The following PXDN variants were observed in gnomAD, a reference collection of about 807,000 sequenced individuals.
The protein encoded by PXDN is peroxidasin, also known as peroxidasin homolog.
Under a neutral mutation model 140.3 loss-of-function variants are expected in PXDN, and 77 were observed. The observed-to-expected ratio is 0.55, with a 90% CI of 0.46 to 0.66. The LOEUF is 0.66. Ranked by LOEUF, PXDN falls within the 30% of genes least tolerant of loss-of-function variation. PXDN has a pLI of 0.00. For missense variants in PXDN, 1,838 were observed against 2,039.5 expected, an observed-to-expected ratio of 0.90 and a Z score of 1.90; for synonymous variants, 911 against 857.4, an observed-to-expected ratio of 1.06 and a Z score of -1.09.
rs745830664 is a variant in PXDN, at chr2:1,744,342, G to T, written c.114C>A (p.Ser38Arg). ...VAQKPGAGCP[S>R]RCLCFRTTVR... ...CGGTGGTGCGGAAGCACAGGCAGCG[G>T]CTCGGACACCCTGCGCCCGGCTTCT... The change falls in exon 1 of 23, where the codon AGC (serine) becomes AGA (arginine). Residue 38 changes from serine to arginine, a missense_variant. Ser to Arg is a moderately radical substitution (Grantham distance 110). Around this residue, in one of 5 missense-constraint regions of PXDN, gnomAD observed 231 missense variants for 201.5 expected, o/e 1.15. Coordinates refer to ENST00000252804, the MANE Select transcript of PXDN (RefSeq NM_012293.3). 1.0e-5 allele frequency: 16 copies of T among 1,527,738 alleles called. No homozygotes were observed. In the South Asian group the frequency reaches 1.9e-4, roughly 18 times the overall value. The allele number at this position is 1,527,738 out of a possible 1,614,324, so 94.6% of individuals were successfully genotyped here.
Position 1,664,949 on chromosome 2 carries a change from G to A in PXDN, c.1408+9C>T. 6.3e-7 allele frequency: 1 copy of A among 1,586,802 alleles called. No homozygotes were observed. The highest frequency in any genetic ancestry group is 2.2e-5 in the East Asian group (1 of 44,474). On this transcript the variant is annotated intron_variant, in intron 11 of 22. Coordinates refer to ENST00000252804, the MANE Select transcript of PXDN (RefSeq NM_012293.3). ...GAGGGAGCAGGCAAAGGGCCGGCCT[G>A]GGTCTTACCTCCCTTGGTCCAGGCG...
At chr2:1,705,619 T>C (rs1158311180) in intron 1 of PXDN, among the ~76,000 whole-genome samples, 2 of 142,352 alleles carry the variant, frequency 1.4e-5, no homozygotes, top group Non-Finnish European at 3.0e-5. Context: ...CCCCACGACC[T>C]GGGACGCAGG....
rs774915815 is a variant in PXDN, at chr2:1,634,266, C to T, written c.4378G>A (p.Val1460Met). 1.6e-5 allele frequency: 25 copies of T among 1,607,852 alleles called. No homozygotes were observed. Among genetic ancestry groups the T allele is most frequent in the East Asian group, 6.7e-5 (3 of 44,704 alleles). Residue 1460 changes from valine (V) to methionine (M), a missense_variant, in exon 23 of 23, where the codon GTG (valine) becomes ATG (methionine). Physicochemically the swap from Val to Met is conservative, Grantham distance 21 (BLOSUM62 1). This residue lies in a region of PXDN where 850 missense variants were observed against 894.1 expected (regional missense o/e 0.95). Transcript: ENST00000252804. ...ACPPATCAVP[V>M]NIPGACCPVC... is the part of the protein sequence containing the mutation. ...GGACAGCAGGCCCCTGGGATGTTCACGGGGACAGCACAGGTGGCAGGGGGG... is the reference window on the plus strand; with the variant it reads ...GGACAGCAGGCCCCTGGGATGTTCATGGGGACAGCACAGGTGGCAGGGGGG...
At chr2:1,641,135 C>T (rs1054088809) in intron 19 of PXDN, among the ~76,000 whole-genome samples, 3 of 152,206 alleles carry the variant, frequency 2.0e-5, no homozygotes, top group African/African-American at 2.4e-5. Flanking sequence ...CAAGGACGTT[C>T]GCTTTAAATG....
intron 1 of PXDN, among the ~76,000 whole-genome samples, chr2:1,720,724 T>TCA (rs1221326586): frequency 0.088 from 2,482 of 28,098 alleles, 155 homozygotes; most frequent in East Asian, 0.49. Flanking sequence ...TCTCTCTCTC[T>TCA]CACACACACA....
chr2:1,659,229 TG>T lies in PXDN; in HGVS notation c.1837+1651del, dbSNP rs1683247505. Among the ~76,000 whole-genome samples the T allele has an allele frequency of 2.0e-5, 3 of 152,362 alleles. No homozygotes were observed. The South Asian group carries it at 6.2e-4, about 32-fold the overall frequency. On this transcript the variant is annotated intron_variant, in intron 14 of 22. Transcript: ENST00000252804. ...ACCGCTAACAGACATCACAGGCATG[TG>T]GATTAGGTGAGCTCATTGGCTATTT...
Position 1,685,342 on chromosome 2 carries a change from A to G in PXDN, c.417-1191T>C, listed in dbSNP as rs1272792105. ...ACAAGGAAAACCGCCGTGGGCGAGC[A>G]TGACGGGCGGGCACCTGACGCGCGG... On this transcript the variant is annotated intron_variant, in intron 4 of 22. Transcript: ENST00000252804. The surrounding 1 kb of genome is among the most constrained non-coding windows in gnomAD (Gnocchi z 5.1). 6.6e-6 allele frequency among the ~76,000 whole-genome samples: 1 copy of G among 152,252 alleles called. No individual in the cohort carries two copies. The highest frequency in any genetic ancestry group is 1.5e-5 in the Non-Finnish European group (1 of 68,042).
At chr2:1,742,388 A>G (rs973932457) in intron 1 of PXDN, among the ~76,000 whole-genome samples, 1 of 152,198 alleles carries the variant, frequency 6.6e-6, no homozygotes. Flanking sequence ...AATGGATGCA[A>G]ATGTACCCTA....
In PXDN at chr2:1,674,137, G is replaced by A. The variant is rs565641912; in HGVS notation, c.849-325C>T. On this transcript the variant is annotated intron_variant, in intron 8 of 22. Coordinates refer to ENST00000252804, the MANE Select transcript of PXDN (RefSeq NM_012293.3). ...AAATTCCAAGGAAACATTTTCTTTC[G>A]TTTCTGGTGAATTAACTAAAAAGGG... 5.3e-5 allele frequency among the ~76,000 whole-genome samples: 8 copies of A among 152,290 alleles called. No individual in the cohort carries two copies. In the South Asian group the frequency reaches 1.0e-3, roughly 20 times the overall value.
chr2:1,694,818 G>C (rs888515925), intron 1 of PXDN, among the ~76,000 whole-genome samples: 6 of 152,286 alleles, frequency 3.9e-5, no homozygotes, highest in African/African-American at 1.4e-4. Context: ...ACTCCATACG[G>C]AAGACACAGA....
At chr2:1,720,724 T>A (rs13020387) in intron 1 of PXDN, among the ~76,000 whole-genome samples, 4,894 of 28,058 alleles carry the variant, frequency 0.17, 281 homozygotes, top group African/African-American at 0.34. Context: ...TCTCTCTCTC[T>A]CACACACACA....
At chr2:1,721,139 T>A (rs1451308093) in intron 1 of PXDN, among the ~76,000 whole-genome samples, 1 of 152,144 alleles carries the variant, frequency 6.6e-6, no homozygotes, top group Non-Finnish European at 1.5e-5. Context: ...CAGAATAATG[T>A]CTCAGCACAT....
intron 1 of PXDN, among the ~76,000 whole-genome samples, chr2:1,717,730 C>T (rs1456524056): frequency 2.6e-5 from 4 of 152,076 alleles, no homozygotes; most frequent in Admixed American, 6.6e-5. Flanking sequence ...CTCCACTAAC[C>T]GACCACCCAA....
intron 1 of PXDN, among the ~76,000 whole-genome samples, chr2:1,726,636 CTTGT>C (rs887851824): frequency 7.9e-5 from 12 of 151,976 alleles, no homozygotes; most frequent in Non-Finnish European, 1.5e-5. Context: ...TTTTAGCAAG[CTTGT>C]TTGTTTTTTG....
At chr2:1,638,270 T>A (rs1682622691) in intron 21 of PXDN, among the ~76,000 whole-genome samples, 1 of 152,106 alleles carries the variant, frequency 6.6e-6, no homozygotes, top group South Asian at 2.1e-4. Context: ...ATCCCAGAGA[T>A]AACCCCCACC....
intron 17 of PXDN, among the ~76,000 whole-genome samples, chr2:1,646,857 G>A (rs1682860688): frequency 6.6e-6 from 1 of 152,154 alleles, no homozygotes. Context: ...GGACTGAGAA[G>A]AATCACAATG....
intron 9 of PXDN, 79 bp downstream of exon 9, chr2:1,673,564 G>T: frequency 1.3e-6 from 2 of 1,490,332 alleles, no homozygotes; most frequent in South Asian, 2.6e-5. Flanking sequence ...CTTATTTTGG[G>T]GTGCAAGGAA....
chr2:1,700,862 G>A (rs779594253), intron 1 of PXDN, among the ~76,000 whole-genome samples: 9 of 151,444 alleles, frequency 5.9e-5, no homozygotes, highest in African/African-American at 1.9e-4. Flanking sequence ...GCGACACAGC[G>A]AGACTCTGTC....
chr2:1,634,775 C>T (rs1682505512), intron 22 of PXDN, among the ~76,000 whole-genome samples: 1 of 152,224 alleles, frequency 6.6e-6, no homozygotes, highest in Admixed American at 6.5e-5. Flanking sequence ...AGCTCAGGGA[C>T]ACTGATGCGC....
Sources: allele counts gnomAD v4.1 joint callset (sites outside exome capture counted in the v4.1 genomes callset), GRCh38; gene constraint gnomAD v4.1.1; regional missense constraint gnomAD v4.1.1; non-coding constraint Gnocchi (gnomAD v3.1); transcripts MANE v1.5; gene names NCBI Gene and HGNC (gene_info 2026-07-23, HGNC 2026-07-21).